The following SRGAP1 variants were observed in gnomAD, a reference collection of about 807,000 sequenced individuals.
SRGAP1 encodes the protein SLIT-ROBO Rho GTPase-activating protein 1.
SRGAP1 carries 43 observed loss-of-function variants against 121.9 expected under a neutral mutation model. The observed-to-expected ratio is 0.35, with a 90% confidence interval of 0.28 to 0.46. The LOEUF is 0.46. Ranked by LOEUF, SRGAP1 falls within the 20% of genes least tolerant of loss-of-function variation. The pLI, the probability that SRGAP1 is intolerant of heterozygous loss-of-function variation, is 1.00. For missense variants in SRGAP1, 1,102 were observed against 1,350.9 expected (o/e 0.82, Z 2.89); for synonymous variants, 447 against 485.4 (o/e 0.92, Z 1.04).
rs534592224 is a variant in SRGAP1 at position 64,134,288 on chromosome 12, G to A, written c.2880+6088G>A. Among the ~76,000 whole-genome samples the A allele has an allele frequency of 8.5e-5, 13 of 152,144 alleles. No individual in the cohort carries two copies. The South Asian group carries it at 2.3e-3, about 27-fold the overall frequency. ...TCTAAAAAATTAGCTGGGAGTGGTG[G>A]TGGGTGCCTGTAGTCCCAGCTACTT... is the stretch of plus-strand genomic sequence containing the variant. On this transcript the variant is annotated intron_variant, in intron 21 of 21. Transcript: ENST00000355086.
intron 1 of SRGAP1, 118 bp from the exon 2 acceptor site, chr12:63,983,828 AT>A (rs1565981687): frequency 1.0e-5 from 1 of 95,964 alleles, no homozygotes; most frequent in Non-Finnish European, 2.0e-5. Context: ...ATATATATAT[AT>A]ATATATATAT....
At chr12:63,933,706 C>T (rs1001857616) in intron 1 of SRGAP1, among the ~76,000 whole-genome samples, 4 of 152,088 alleles carry the variant, frequency 2.6e-5, no homozygotes, top group South Asian at 4.1e-4. Context: ...AAGGGATGCA[C>T]AAGTACACTA....
At position 64,109,098 on chromosome 12, in the gene SRGAP1, T is replaced by C. The variant is rs553792524; in HGVS notation, c.1919+61T>C. ...GAATTCTGTCTTTGTTCTTCGATCC[T>C]GTAAAATGTACGTTGGGTTCCATTT... On this transcript the variant is annotated intron_variant, in intron 16 of 21. Transcript: ENST00000355086. 9.9e-5 allele frequency: 113 copies of C among 1,143,196 alleles called. No individual in the cohort carries two copies. In the African/African-American group the frequency reaches 1.5e-3, roughly 15 times the overall value. 70.8% of individuals were successfully genotyped at this position (1,143,196 alleles called of 1,614,324 possible). A position where few individuals can be genotyped will look rare whatever the true frequency, so the allele number is the denominator to read the frequency against.
At chr12:64,056,398 CA>C (rs1313437536) in intron 6 of SRGAP1, among the ~76,000 whole-genome samples, 1 of 151,692 alleles carries the variant, frequency 6.6e-6, no homozygotes, top group Non-Finnish European at 1.5e-5. Context: ...AATAAAAATG[CA>C]AAAATTAGCT....
rs1593019396 is a variant in SRGAP1, at chr12:63,997,877, C to T, written c.426+7805C>T. Among the ~76,000 whole-genome samples, 6 of 152,244 alleles carry T rather than the reference C, an allele frequency of 3.9e-5. 1 individual carries two copies. The South Asian group carries it at 1.2e-3, about 32-fold the overall frequency. On this transcript the variant is annotated intron_variant, in intron 3 of 21. Coordinates refer to ENST00000355086, the MANE Select transcript of SRGAP1 (RefSeq NM_020762.4). The stretch of plus-strand genomic sequence containing the variant: ...GGACTTCTGACTATGACGGCAGATT[C>T]TACATGGGCTCCAACCACCTTACTT...
At chr12:63,849,616 T>G (rs1165184121) in intron 1 of SRGAP1, among the ~76,000 whole-genome samples, 2 of 152,220 alleles carry the variant, frequency 1.3e-5, no homozygotes, top group Admixed American at 1.3e-4. Context: ...GCCAATTTGA[T>G]TTGGTATGGC....
At chr12:63,848,187 G>A (rs569300083) in intron 1 of SRGAP1, among the ~76,000 whole-genome samples, 2 of 151,846 alleles carry the variant, frequency 1.3e-5, no homozygotes, top group South Asian at 2.1e-4. Flanking sequence ...TGTATTTTTA[G>A]TAGAGATGGG....
At chr12:64,107,045 C>T (rs540563119) in intron 15 of SRGAP1, among the ~76,000 whole-genome samples, 134 of 152,266 alleles carry the variant, frequency 8.8e-4, no homozygotes, top group Non-Finnish European at 1.7e-3. Context: ...GACAGAGCTA[C>T]GGTTCCAACT....
At chr12:63,870,096 CT>C (rs1899797317) in intron 1 of SRGAP1, among the ~76,000 whole-genome samples, 1 of 152,132 alleles carries the variant, frequency 6.6e-6, no homozygotes, top group Non-Finnish European at 1.5e-5. Flanking sequence ...TCTGTTTAAA[CT>C]TCCAAAAAAC....
At chr12:63,924,477 A>G (rs2031184538) in intron 1 of SRGAP1, among the ~76,000 whole-genome samples, 1 of 152,240 alleles carries the variant, frequency 6.6e-6, no homozygotes, top group Admixed American at 6.5e-5. Flanking sequence ...TAGTTTAGGC[A>G]TTACATGAAC....
intron 15 of SRGAP1, among the ~76,000 whole-genome samples, chr12:64,105,372 C>T (rs699627): frequency 1.3e-5 from 2 of 152,046 alleles, no homozygotes; most frequent in African/African-American, 4.8e-5. Flanking sequence ...TCTGAAACTG[C>T]TGTACAAATA....
At chr12:63,944,629 G>A (rs935981959) in intron 1 of SRGAP1, among the ~76,000 whole-genome samples, 2 of 152,218 alleles carry the variant, frequency 1.3e-5, no homozygotes, top group Non-Finnish European at 2.9e-5. Flanking sequence ...CACCGGAACA[G>A]TAGTAGATGT....
intron 1 of SRGAP1, among the ~76,000 whole-genome samples, chr12:63,924,677 CT>C (rs557435219): frequency 6.6e-6 from 1 of 152,042 alleles, no homozygotes; most frequent in Non-Finnish European, 1.5e-5. Context: ...GCAATGCCAC[CT>C]TTTTTTATTG....
intron 1 of SRGAP1, among the ~76,000 whole-genome samples, chr12:63,855,737 C>G (rs1288741398): frequency 6.6e-6 from 1 of 151,826 alleles, no homozygotes; most frequent in East Asian, 1.9e-4. Context: ...GATTGCCCTC[C>G]TTGGCCTTCC....
intron 1 of SRGAP1, among the ~76,000 whole-genome samples, chr12:63,976,438 C>T (rs1220893516): frequency 1.3e-5 from 2 of 152,224 alleles, no homozygotes; most frequent in African/African-American, 2.4e-5. Flanking sequence ...GCCCCAGACT[C>T]TCACTGCATC....
At chr12:64,046,217 A>G (rs922958956) in intron 6 of SRGAP1, among the ~76,000 whole-genome samples, 7 of 152,202 alleles carry the variant, frequency 4.6e-5, no homozygotes, top group African/African-American at 1.7e-4. Context: ...GGAAGGTGCT[A>G]GGAGATGAGG....
intron 4 of SRGAP1, among the ~76,000 whole-genome samples, chr12:64,023,313 CAG>C (rs988962586): frequency 2.1e-5 from 3 of 144,030 alleles, no homozygotes; most frequent in Admixed American, 7.0e-5. Context: ...AAGGCAAAAA[CAG>C]AGAAAAATGG....
intron 1 of SRGAP1, among the ~76,000 whole-genome samples, chr12:63,857,146 C>T (rs1899280804): frequency 6.7e-6 from 1 of 150,182 alleles, no homozygotes; most frequent in African/African-American, 2.5e-5. Context: ...CTGGCGTGAT[C>T]TCGGCCCACT....
At chr12:64,086,065 T>C (rs1284791325) in intron 10 of SRGAP1, among the ~76,000 whole-genome samples, 4 of 152,226 alleles carry the variant, frequency 2.6e-5, no homozygotes, top group South Asian at 2.1e-4. Context: ...TTCTTTACCA[T>C]TGTCATGTTG....
Sources: allele counts gnomAD v4.1 joint callset (sites outside exome capture counted in the v4.1 genomes callset), GRCh38; gene constraint gnomAD v4.1.1; transcripts MANE v1.5; gene names NCBI Gene and HGNC (gene_info 2026-07-23, HGNC 2026-07-21).